Variants in SCARA3 observed in about 807,000 individuals in gnomAD.
SCARA3 encodes cellular stress response gene protein.
In SCARA3, 39 loss-of-function variants were observed where a neutral mutation model predicts 47.0. That is an observed-to-expected ratio of 0.83 (90% CI 0.64 to 1.08). The LOEUF (loss-of-function observed/expected upper bound fraction) is 1.08, where lower values mean the gene tolerates loss of function less well. Among genes scored for constraint, SCARA3 ranks in the 50% least tolerant of loss-of-function variants. The probability of loss-of-function intolerance (pLI) is 0.00; values close to 1 mark genes in which losing one functional copy is unlikely to be tolerated. For synonymous variants in SCARA3, 356 were observed against 334.1 expected, an observed-to-expected ratio of 1.07 and a Z score of -0.71; for missense variants, 724 against 792.3, an observed-to-expected ratio of 0.91 and a Z score of 1.04.
intron 1 of SCARA3, among the ~76,000 whole-genome samples, chr8:27,636,659 G>A (rs149402663): frequency 3.4e-4 from 52 of 152,246 alleles, no homozygotes; most frequent in African/African-American, 1.2e-3. Context: ...CTCTTCATGT[G>A]CCGAGCGGGA....
chr8:27,724,182 G>A, the SCARA3 span, among the ~76,000 whole-genome samples: 5 of 152,318 alleles, frequency 3.3e-5, no homozygotes, highest in African/African-American at 1.2e-4. Flanking sequence ...ATTACTAGGA[G>A]TCAATACAAG....
chr8:27,686,300 G>A, the SCARA3 span, among the ~76,000 whole-genome samples: 1 of 151,924 alleles, frequency 6.6e-6, no homozygotes, highest in Non-Finnish European at 1.5e-5. Context: ...AATTAGCCAG[G>A]TGTGGTGGCG....
In SCARA3 at chr8:27,671,851, G is replaced by C. The variant is rs914254435; in HGVS notation, c.*500G>C. On this transcript the variant is annotated 3_prime_UTR_variant, in exon 6 of 6. Transcript: ENST00000301904. ...CATACACAGATTTTTCTGCTGGCCA[G>C]GTGGGCCAACTGGGTTTCCCTGGCT... is the stretch of plus-strand genomic sequence containing the variant. The C allele has an allele frequency of 6.1e-6, 6 of 985,474 alleles. No individual in the cohort carries two copies. In the African/African-American group the frequency reaches 1.0e-4, roughly 17 times the overall value. The allele number at this position is 985,474 out of a possible 1,614,324, so 61.0% of individuals were successfully genotyped here.
At chr8:27,661,405 C>T (rs1434593358) in intron 5 of SCARA3, among the ~76,000 whole-genome samples, 3 of 152,308 alleles carry the variant, frequency 2.0e-5, no homozygotes, top group South Asian at 2.1e-4. Context: ...TATTCTTTTG[C>T]TTATACCCTG....
the SCARA3 span, among the ~76,000 whole-genome samples, chr8:27,718,500 G>C: frequency 1.3e-5 from 2 of 152,224 alleles, no homozygotes; most frequent in African/African-American, 4.8e-5. Context: ...CAGACCCCCA[G>C]TGCCCAGAAG....
intron 1 of SCARA3, among the ~76,000 whole-genome samples, chr8:27,643,783 A>G (rs921291415): frequency 4.6e-5 from 7 of 152,182 alleles, no homozygotes; most frequent in African/African-American, 1.7e-4. Context: ...CCAAAGAAAG[A>G]CCTTTTATTC....
At chr8:27,732,895 T>C in the SCARA3 span, among the ~76,000 whole-genome samples, 3 of 152,154 alleles carry the variant, frequency 2.0e-5, no homozygotes, top group Non-Finnish European at 4.4e-5. Flanking sequence ...TAGTGTAAAC[T>C]CTATCATAAA....
chr8:27,640,667 C>A (rs1020547444), intron 1 of SCARA3, among the ~76,000 whole-genome samples: 2 of 151,982 alleles, frequency 1.3e-5, no homozygotes, highest in East Asian at 1.9e-4. Flanking sequence ...GTTCTTAGTG[C>A]TGGTTTTTAG....
At chr8:27,653,603 G>GTGTGTGTGT (rs1801681139) in intron 3 of SCARA3, among the ~76,000 whole-genome samples, 3 of 147,410 alleles carry the variant, frequency 2.0e-5, no homozygotes, top group Non-Finnish European at 4.5e-5. Flanking sequence ...GTGTGTGTAT[G>GTGTGTGTGT]GTGTATGTGT....
the SCARA3 span, among the ~76,000 whole-genome samples, chr8:27,712,469 A>G: frequency 6.8e-6 from 1 of 146,550 alleles, no homozygotes; most frequent in Non-Finnish European, 1.5e-5. Flanking sequence ...AGGCTGAGGC[A>G]GGAGAATGGC....
chr8:27,678,987 A>C (rs1399682660), downstream of SCARA3, among the ~76,000 whole-genome samples: 3 of 152,200 alleles, frequency 2.0e-5, no homozygotes, highest in Non-Finnish European at 4.4e-5. Flanking sequence ...CAGGAGTTCG[A>C]GACCACCTTG....
the SCARA3 span, among the ~76,000 whole-genome samples, chr8:27,720,525 G>A: frequency 4.6e-5 from 7 of 152,018 alleles, no homozygotes; most frequent in African/African-American, 1.7e-4. Flanking sequence ...ACTGGCTTAG[G>A]AATCAGGATC....
In SCARA3 at chr8:27,634,049, G is replaced by C. The variant is rs1421681103; in HGVS notation, c.-152G>C. The C allele has an allele frequency of 5.7e-6, 3 of 526,394 alleles. No homozygotes were observed. The highest frequency in any genetic ancestry group is 3.7e-5 in the East Asian group (1 of 26,760). 32.6% of individuals were successfully genotyped at this position (526,394 alleles called of 1,614,324 possible). A position where few individuals can be genotyped will look rare whatever the true frequency, so the allele number is the denominator to read the frequency against. ...TCCTCCCGCCGCCTCCGCAGCCCGC[G>C]CGCCGGAGCATGAGTCCCGGCCGGA... is the stretch of plus-strand genomic sequence containing the variant. On this transcript the variant is annotated 5_prime_UTR_variant, in exon 1 of 6. Transcript: ENST00000301904.
At chr8:27,659,878 G>A (rs113075456) in intron 5 of SCARA3, among the ~76,000 whole-genome samples, 62 of 50,562 alleles carry the variant, frequency 1.2e-3, no homozygotes, top group African/African-American at 2.0e-3. Flanking sequence ...AAAAAAAAAA[G>A]AGAGAGAGAG....
chr8:27,636,482 G>T (rs1248586660), intron 1 of SCARA3, among the ~76,000 whole-genome samples: 1 of 152,196 alleles, frequency 6.6e-6, no homozygotes, highest in Non-Finnish European at 1.5e-5. Context: ...CCAAAATCCT[G>T]TGAAATAGAG....
the SCARA3 span, among the ~76,000 whole-genome samples, chr8:27,731,997 C>T: frequency 6.6e-6 from 1 of 152,222 alleles, no homozygotes; most frequent in Non-Finnish European, 1.5e-5. Context: ...ACAGATCAGC[C>T]TTTACCACCT....
chr8:27,663,858 C>G (rs1026800123), intron 5 of SCARA3, among the ~76,000 whole-genome samples: 1 of 152,190 alleles, frequency 6.6e-6, no homozygotes, highest in Non-Finnish European at 1.5e-5. Flanking sequence ...TGTGGCAGAG[C>G]CTTCCCCTGT....
chr8:27,646,961 T>G (rs1200344727), intron 1 of SCARA3, among the ~76,000 whole-genome samples: 9 of 30,170 alleles, frequency 3.0e-4, no homozygotes, highest in East Asian at 3.3e-3. Context: ...CCCGCACCCC[T>G]GACCGCCCCC....
chr8:27,672,865 C>T lies in SCARA3; in HGVS notation c.*1514C>T, dbSNP rs762998138. 29 of 985,550 alleles carry T rather than the reference C, an allele frequency of 2.9e-5. No homozygotes were observed. The highest frequency in any genetic ancestry group is 3.4e-5 in the Non-Finnish European group (28 of 830,102). 61.1% of individuals were successfully genotyped at this position (985,550 alleles called of 1,614,324 possible). Reference sequence around the variant, plus strand: ...CCCAACACGGACCCAGAGAGCAGCCCTTCCCTGCTCAAAGCCTTTCCGCAC... The same window carrying T: ...CCCAACACGGACCCAGAGAGCAGCCTTTCCCTGCTCAAAGCCTTTCCGCAC... On this transcript the variant is annotated 3_prime_UTR_variant, in exon 6 of 6. Transcript: ENST00000301904.
Sources: allele counts gnomAD v4.1 joint callset (sites outside exome capture counted in the v4.1 genomes callset), GRCh38; gene constraint gnomAD v4.1.1; transcripts MANE v1.5; gene names NCBI Gene and HGNC (gene_info 2026-07-23, HGNC 2026-07-21).